Variants in ZNF233 observed in about 807,000 individuals in gnomAD.
ZNF233 encodes zinc finger protein 233.
A neutral mutation model predicts 11.6 loss-of-function variants in ZNF233; 7 were observed. The ratio of observed to expected loss-of-function variants is 0.60; its 90% CI spans 0.34 to 1.13. The LOEUF is 1.13. ZNF233 is among the 50% of genes most tolerant of loss of function. ZNF233 has a pLI of 0.03. For missense variants in ZNF233, 711 were observed against 785.5 expected, an observed-to-expected ratio of 0.91 and a Z score of 1.13; for synonymous variants, 226 against 268.5, an observed-to-expected ratio of 0.84 and a Z score of 1.55.
At chr19:44,264,477 AG>A (rs1481150336) in intron 2 of ZNF233, 102 bp downstream of exon 2, 2 of 1,131,362 alleles carry the variant, frequency 1.8e-6, no homozygotes, top group Non-Finnish European at 2.5e-6. Context: ...GGAGGAAAAC[AG>A]GTATTTGGAA....
In ZNF233 at chr19:44,266,039, G is replaced by A. The variant is rs543785492; in HGVS notation, c.16-159G>A. 7.7e-4 allele frequency: 474 copies of A among 615,794 alleles called. 9 individuals are homozygous for A. In the South Asian group the frequency reaches 0.014, roughly 18 times the overall value. The allele number at this position is 615,794 out of a possible 1,614,324, so 38.1% of individuals were successfully genotyped here. On this transcript the variant is annotated intron_variant, in intron 2 of 4. Coordinates refer to ENST00000683810, the MANE Select transcript of ZNF233 (RefSeq NM_001207005.2). Reference sequence around the variant, plus strand: ...TGTGGAAAAGTAGTCTATGAGATTGGCATGTGGGATGGAGAAAACGAGGAA... The same window carrying A: ...TGTGGAAAAGTAGTCTATGAGATTGACATGTGGGATGGAGAAAACGAGGAA...
At chr19:44,270,595 G>A (rs1276870781) in intron 4 of ZNF233, among the ~76,000 whole-genome samples, 15 of 152,232 alleles carry the variant, frequency 9.9e-5, no homozygotes, top group Admixed American at 9.2e-4. Context: ...AGGTATATGG[G>A]AGCAGCTTAG....
At chr19:44,263,700 A>G (rs1428639371) in intron 1 of ZNF233, among the ~76,000 whole-genome samples, 1 of 152,228 alleles carries the variant, frequency 6.6e-6, no homozygotes, top group African/African-American at 2.4e-5. Flanking sequence ...AGAATTATAG[A>G]CTTTTCAGAG....
At position 44,273,517 on chromosome 19, in the gene ZNF233, A is replaced by G; in HGVS notation, c.857A>G (p.His286Arg). 1.2e-6 allele frequency: 2 copies of G among 1,614,182 alleles called. No individual in the cohort carries two copies. Among genetic ancestry groups the G allele is most frequent in the Non-Finnish European group, 1.7e-6 (2 of 1,180,000 alleles). ...HQQLHLRDKPHVNVEYGKGIG... is the reference protein window; with the variant it reads ...HQQLHLRDKPRVNVEYGKGIG... ...CAACTACACTTAAGAGACAAGCCTC[A>G]TGTAAATGTTGAGTACGGGAAGGGC... Residue 286 changes from histidine (H) to arginine (R), a missense_variant, in exon 5 of 5, where the codon CAT (histidine) becomes CGT (arginine). Physicochemically the swap from His to Arg is conservative, Grantham distance 29 (BLOSUM62 0). Transcript: ENST00000683810.
At chr19:44,263,816 A>G (rs1158883914) in intron 1 of ZNF233, among the ~76,000 whole-genome samples, 1 of 152,242 alleles carries the variant, frequency 6.6e-6, no homozygotes. Flanking sequence ...TGCAACAACA[A>G]TTTTATGATG....
In ZNF233 at chr19:44,273,732, C is replaced by A. The variant is rs1192181430; in HGVS notation, c.1072C>A (p.Pro358Thr). The A allele has an allele frequency of 1.2e-6, 2 of 1,614,160 alleles. No individual in the cohort carries two copies. Among genetic ancestry groups the A allele is most frequent in the Non-Finnish European group, 1.7e-6 (2 of 1,180,008 alleles). The change falls in exon 5 of 5, where the codon CCC (proline) becomes ACC (threonine). Residue 358 changes from proline to threonine, a missense_variant. Pro to Thr is a conservative substitution (Grantham distance 38). Transcript: ENST00000683810. ...GAGCTCCAACCAGAACTCCTGTCTT[C>A]CCTCTCATGAGCTTACTCACCCAGG... ...ARSSNQNSCLPSHELTHPGEK... is the reference protein window; with the variant it reads ...ARSSNQNSCLTSHELTHPGEK...
At chr19:44,264,533 G>A (rs1266783991) in intron 2 of ZNF233, among the ~76,000 whole-genome samples, 158 bp downstream of exon 2, 1 of 152,070 alleles carries the variant, frequency 6.6e-6, no homozygotes, top group East Asian at 1.9e-4. Context: ...TTTTGTTTAT[G>A]TCTTTAGCTT....
Position 44,274,717 on chromosome 19 carries a change from C to G in ZNF233, c.*44C>G, listed in dbSNP as rs7256897. 3 of 1,438,628 alleles carry G rather than the reference C, an allele frequency of 2.1e-6. No individual in the cohort carries two copies. The highest frequency in any genetic ancestry group is 2.9e-5 in the African/African-American group (2 of 69,996). 89.1% of individuals were successfully genotyped at this position (1,438,628 alleles called of 1,614,324 possible). A position where few individuals can be genotyped will look rare whatever the true frequency, so the allele number is the denominator to read the frequency against. On this transcript the variant is annotated 3_prime_UTR_variant, in exon 5 of 5. Transcript: ENST00000683810. ...TCATGATGAGTGTGATAGGGGTGCT[C>G]TTCAAGACTTAGACTTCCCATTTTC...
rs756262972 is a variant in ZNF233 at position 44,264,388 on chromosome 19, T to C, written c.15+13T>C. ...GACCAAGTTTCAGGTGAGTTGAGTTTTGATTTTTATCTCTTAAAATGACAT... is the reference window on the plus strand; with the variant it reads ...GACCAAGTTTCAGGTGAGTTGAGTTCTGATTTTTATCTCTTAAAATGACAT... On this transcript the variant is annotated intron_variant, in intron 2 of 4. Transcript: ENST00000683810. The C allele has an allele frequency of 6.2e-7, 1 of 1,611,040 alleles. No individual in the cohort carries two copies. The highest frequency in any genetic ancestry group is 8.5e-7 in the Non-Finnish European group (1 of 1,178,976).
At chr19:44,264,510 G>C in intron 2 of ZNF233, 135 bp downstream of exon 2, 1 of 762,196 alleles carries the variant, frequency 1.3e-6, no homozygotes, top group Non-Finnish European at 2.0e-6. Context: ...CTTGATTTTC[G>C]ATTGGTTCAA....
chr19:44,268,797 T>G (rs773156441), intron 4 of ZNF233, among the ~76,000 whole-genome samples: 5 of 151,954 alleles, frequency 3.3e-5, no homozygotes, highest in Non-Finnish European at 5.9e-5. Flanking sequence ...CTTCCTTATT[T>G]CATTCCCCCT....
chr19:44,273,540 G>A lies in ZNF233; in HGVS notation c.880G>A (p.Gly294Ser). 6.2e-7 allele frequency: 1 copy of A among 1,614,198 alleles called. No homozygotes were observed. Among genetic ancestry groups the A allele is most frequent in the Non-Finnish European group, 8.5e-7 (1 of 1,180,030 alleles). ...TCATGTAAATGTTGAGTACGGGAAG[G>A]GCATAGGTTACAGCTCAGGGCTTCC... ...KPHVNVEYGKGIGYSSGLPRH... is the reference protein window; with the variant it reads ...KPHVNVEYGKSIGYSSGLPRH... Residue 294 changes from glycine (G) to serine (S), a missense_variant, in exon 5 of 5, where the codon GGC becomes AGC. By Grantham distance (56) the Gly-to-Ser change is moderately conservative. Coordinates refer to ENST00000683810, the MANE Select transcript of ZNF233 (RefSeq NM_001207005.2).
Position 44,273,141 on chromosome 19 carries a change from CT to C in ZNF233, c.482del (p.Leu161HisfsTer9), listed in dbSNP as rs767421000. On this transcript the variant is annotated frameshift_variant, in exon 5 of 5. Transcript: ENST00000683810. LOFTEE classifies it low-confidence loss of function (END_TRUNC). ...VSEDENYVIKLQGESSNSIKN... is the reference protein window; with the variant it reads ...VSEDENYVIKXQGESSNSIKN... ...TGAAGATGAGAACTATGTAATAAAG[CT>C]ACAAGGGGAGAGTTCAAATAGCATA... The C allele has an allele frequency of 1.6e-5, 26 of 1,613,948 alleles. No individual in the cohort carries two copies. The highest frequency in any genetic ancestry group is 2.1e-5 in the Non-Finnish European group (25 of 1,180,024).
chr19:44,268,666 G>A (rs1274129169), intron 4 of ZNF233, among the ~76,000 whole-genome samples: 3 of 152,130 alleles, frequency 2.0e-5, no homozygotes, highest in African/African-American at 7.2e-5. Flanking sequence ...GTACTGTAAT[G>A]GCTCCCTCAC....
chr19:44,264,313 G>A lies in ZNF233; in HGVS notation c.-47-1G>A. On this transcript the variant is annotated splice_acceptor_variant, in intron 1 of 4. Transcript: ENST00000683810. LOFTEE classifies it low-confidence loss of function (5UTR_SPLICE). Reference sequence around the variant, plus strand: ...CTCATGGCTTCTTTCTCTTTTCCCAGTTCTGCCTTCCCAGGACCCTGCCCT... The same window carrying A: ...CTCATGGCTTCTTTCTCTTTTCCCAATTCTGCCTTCCCAGGACCCTGCCCT... 6.2e-7 allele frequency: 1 copy of A among 1,605,262 alleles called. No homozygotes were observed. Among genetic ancestry groups the A allele is most frequent in the Non-Finnish European group, 8.5e-7 (1 of 1,172,506 alleles).
chr19:44,267,573 G>C, intron 4 of ZNF233: 1 of 391,000 alleles, frequency 2.6e-6, no homozygotes, highest in Middle Eastern at 6.4e-4. Context: ...GTAGAGATGA[G>C]GTCTCACCAT....
At chr19:44,260,043 CG>C (rs767369974) in intron 1 of ZNF233, 105 bp downstream of exon 1, 9 of 374,792 alleles carry the variant, frequency 2.4e-5, no homozygotes, top group African/African-American at 1.7e-4. Context: ...TCGCAGAGGG[CG>C]GGGACGACGG....
intron 1 of ZNF233, chr19:44,260,270 G>T (rs1454795199): frequency 6.1e-6 from 1 of 162,898 alleles, no homozygotes; most frequent in Admixed American, 6.4e-5. Flanking sequence ...TACCTAACTG[G>T]TAGGGGTTTC....
At chr19:44,264,950 T>C (rs1975031060) in intron 2 of ZNF233, among the ~76,000 whole-genome samples, 1 of 152,192 alleles carries the variant, frequency 6.6e-6, no homozygotes. Context: ...AATATTTACT[T>C]ACAAAAATTA....
Sources: gnomAD v4.1 joint callset for allele counts (sites outside exome capture counted in the v4.1 genomes callset) on GRCh38, gnomAD v4.1.1 for gene constraint, MANE v1.5 for transcripts, NCBI Gene and HGNC (gene_info 2026-07-23, HGNC 2026-07-21) for gene names.